FOCAD: variants seen among roughly 807,000 people sequenced by gnomAD.
The protein encoded by FOCAD is focadhesin.
FOCAD carries 198 observed loss-of-function variants against 225.6 expected under a neutral mutation model. The ratio of observed to expected loss-of-function variants is 0.88; its 90% CI spans 0.78 to 0.99. The LOEUF (loss-of-function observed/expected upper bound fraction) is 0.99, where lower values mean the gene tolerates loss of function less well. Among genes scored for constraint, FOCAD ranks in the 50% least tolerant of loss-of-function variants. FOCAD has a pLI of 0.00. For synonymous variants in FOCAD, 897 were observed against 755.0 expected, an observed-to-expected ratio of 1.19 and a Z score of -3.08; for missense variants, 2,713 against 2,123.6, an observed-to-expected ratio of 1.28 and a Z score of -5.46.
rs574487782 is a variant in FOCAD, at chr9:20,670,601, C to T, written c.-78+11775C>T. On this transcript the variant is annotated intron_variant, in intron 2 of 45. Coordinates refer to the FOCAD transcript ENST00000380249. The stretch of plus-strand genomic sequence containing the variant: ...GAGAACAGCATGGGGGAAACCACCA[C>T]CCTCATAATCCAATCACTTCCCACC... Among the ~76,000 whole-genome samples, 18 of 152,264 alleles carry T rather than the reference C, an allele frequency of 1.2e-4. No homozygotes were observed. In the East Asian group the frequency reaches 2.7e-3, roughly 23 times the overall value.
rs1056979468 is a variant in FOCAD at position 20,881,932 on chromosome 9, A to G, written c.2379A>G (p.Ile793Met). Residue 793 changes from isoleucine (I) to methionine (M), a missense_variant, in exon 20 of 44, where the codon ATA becomes ATG. Ile to Met is a conservative substitution (Grantham distance 10, BLOSUM62 1). Transcript: ENST00000338382. ...KQEMVNMPRG[I>M]YHSALKGGAR... is the part of the protein sequence containing the mutation. The stretch of plus-strand genomic sequence containing the variant: ...AAATGGTGAATATGCCTCGTGGGAT[A>G]TATCACTCTGCATTAAAAGGAGGTG... 3.7e-6 allele frequency: 6 copies of G among 1,613,932 alleles called. No individual in the cohort carries two copies. The highest frequency in any genetic ancestry group is 1.7e-4 in the Middle Eastern group (1 of 6,060).
At chr9:20,815,502 C>T (rs10964728) in intron 11 of FOCAD, among the ~76,000 whole-genome samples, 1 of 151,852 alleles carries the variant, frequency 6.6e-6, no homozygotes, top group African/African-American at 2.4e-5. Context: ...TCTTGGTTGG[C>T]AGTACCTACC....
intron 15 of FOCAD, among the ~76,000 whole-genome samples, chr9:20,830,702 G>A (rs1825394091): frequency 6.6e-6 from 1 of 151,976 alleles, no homozygotes; most frequent in Admixed American, 6.6e-5. Flanking sequence ...TATCGAGATG[G>A]GGTCTTGCTC....
intron 36 of FOCAD, 44 bp from the exon 37 acceptor site, chr9:20,978,295 G>T: frequency 1.5e-6 from 2 of 1,321,672 alleles, no homozygotes; most frequent in South Asian, 1.4e-5. Flanking sequence ...AATGAGTCAG[G>T]AAAGTAACTA....
intron 5 of FOCAD, among the ~76,000 whole-genome samples, chr9:20,742,206 C>T (rs1424627842): frequency 1.3e-5 from 2 of 152,148 alleles, no homozygotes; most frequent in African/African-American, 4.8e-5. Context: ...TAAAAAGAGA[C>T]AAACATGGTA....
intron 6 of FOCAD, among the ~76,000 whole-genome samples, chr9:20,760,923 A>C (rs118160551): frequency 0.013 from 1,991 of 152,278 alleles, 14 homozygotes; most frequent in Non-Finnish European, 0.021. Flanking sequence ...AACTATGGGA[A>C]GAAAGCAAAA....
chr9:20,838,991 A>C (rs1227807282), intron 15 of FOCAD, among the ~76,000 whole-genome samples: 1 of 152,118 alleles, frequency 6.6e-6, no homozygotes, highest in African/African-American at 2.4e-5. Context: ...TGTTATGTAC[A>C]GTAGCCAGGT....
At chr9:20,804,925 C>T (rs1424047172) in intron 11 of FOCAD, among the ~76,000 whole-genome samples, 1 of 152,072 alleles carries the variant, frequency 6.6e-6, no homozygotes, top group Non-Finnish European at 1.5e-5. Flanking sequence ...AAAAATTTAC[C>T]TAATTTGATT....
chr9:20,714,638 T>TGCCTGCCTGCCTGCCTGCCTG (rs1563905518), intron 1 of FOCAD, among the ~76,000 whole-genome samples: 38 of 55,272 alleles, frequency 6.9e-4, no homozygotes, highest in African/African-American at 2.2e-3. Context: ...CTGCCTGCCT[T>TGCCTGCCTGCCTGCCTGCCTG]CCTTCCTTCC....
rs564629674 is a variant in FOCAD, at chr9:20,948,861, C to G, written c.3809C>G (p.Thr1270Arg). The G allele has an allele frequency of 6.2e-7, 1 of 1,613,464 alleles. No individual in the cohort carries two copies. Among genetic ancestry groups the G allele is most frequent in the African/African-American group, 1.3e-5 (1 of 74,990 alleles). The change falls in exon 32 of 44, where the codon ACA becomes AGA. Residue 1270 changes from threonine (T) to arginine (R), a missense_variant. Transcript: ENST00000338382. Reference protein sequence around the residue: ...IRIVLTEGTPTMLCLAALHGM... With the variant: ...IRIVLTEGTPRMLCLAALHGM... ...ATGCTTTGTTTTCAGGGCACTCCCA[C>G]AATGCTTTGTCTGGCAGCTCTTCAT... is the stretch of plus-strand genomic sequence containing the variant.
upstream of FOCAD, among the ~76,000 whole-genome samples, chr9:20,680,282 G>A (rs145334525): frequency 2.3e-3 from 350 of 152,236 alleles, 2 homozygotes; most frequent in Non-Finnish European, 3.3e-3. Context: ...GTTATTGTCC[G>A]GGTGCGATGG....
At chr9:20,807,394 T>G (rs968835858) in intron 11 of FOCAD, among the ~76,000 whole-genome samples, 9 of 152,362 alleles carry the variant, frequency 5.9e-5, no homozygotes, top group African/African-American at 1.9e-4. Context: ...AATAGTGCTG[T>G]TCAATAGAAG....
intron 11 of FOCAD, among the ~76,000 whole-genome samples, chr9:20,795,342 A>G (rs944018881): frequency 3.3e-5 from 5 of 152,254 alleles, no homozygotes; most frequent in Admixed American, 6.5e-5. Context: ...TCCTGTTACC[A>G]CAATTACTGT....
At chr9:20,849,232 C>G (rs1346027496) in intron 15 of FOCAD, among the ~76,000 whole-genome samples, 7 of 151,876 alleles carry the variant, frequency 4.6e-5, no homozygotes, top group Non-Finnish European at 8.8e-5. Flanking sequence ...TTTCTTGGTT[C>G]TCCTACTTTG....
chr9:20,818,478 A>G (rs139751587), intron 11 of FOCAD, among the ~76,000 whole-genome samples: 1,979 of 152,156 alleles, frequency 0.013, 45 homozygotes, highest in African/African-American at 0.046. Context: ...ATTTTCTTTA[A>G]GAGTGTTATA....
intron 4 of FOCAD, among the ~76,000 whole-genome samples, chr9:20,731,850 C>T (rs1445062703): frequency 6.6e-6 from 1 of 152,206 alleles, no homozygotes; most frequent in Non-Finnish European, 1.5e-5. Context: ...CTCCCAACCT[C>T]AGGTGATCTT....
At chr9:20,721,595 A>T (rs951564531) in intron 4 of FOCAD, among the ~76,000 whole-genome samples, 10 of 152,014 alleles carry the variant, frequency 6.6e-5, no homozygotes, top group Admixed American at 6.6e-4. Context: ...CCAGCTACTC[A>T]GGAGACTAAG....
intron 34 of FOCAD, 42 bp from the exon 35 acceptor site, chr9:20,952,943 G>A: frequency 6.6e-7 from 1 of 1,507,764 alleles, no homozygotes; most frequent in Non-Finnish European, 9.2e-7. Flanking sequence ...CATTAGTCCT[G>A]CCAAGTTCAC....
chr9:20,805,325 G>A (rs1009693731), intron 11 of FOCAD, among the ~76,000 whole-genome samples: 1 of 152,118 alleles, frequency 6.6e-6, no homozygotes, highest in African/African-American at 2.4e-5. Flanking sequence ...TTATAACACA[G>A]TTATTCAAGT....
Sources: gnomAD v4.1 joint callset for allele counts (sites outside exome capture counted in the v4.1 genomes callset) on GRCh38, gnomAD v4.1.1 for gene constraint, MANE v1.5 for transcripts, NCBI Gene and HGNC (gene_info 2026-07-23, HGNC 2026-07-21) for gene names.